The following MARVELD3 variants were observed in gnomAD, a reference collection of about 807,000 sequenced individuals.
MARVELD3 encodes MARVEL domain-containing protein 3.
Under a neutral mutation model 33.5 loss-of-function variants are expected in MARVELD3, and 28 were observed. That is an observed-to-expected ratio of 0.84 (90% CI 0.62 to 1.15). MARVELD3 has a LOEUF of 1.15. Among genes scored for constraint, MARVELD3 ranks in the 50% most tolerant of loss-of-function variants. The pLI, the probability that MARVELD3 is intolerant of heterozygous loss-of-function variation, is 0.00. For missense variants in MARVELD3, 582 were observed against 547.6 expected (o/e 1.06, Z -0.63); for synonymous variants, 241 against 230.4 (o/e 1.05, Z -0.42).
intron 2 of MARVELD3, among the ~76,000 whole-genome samples, chr16:71,633,149 A>G (rs745708293): frequency 6.6e-5 from 10 of 151,868 alleles, no homozygotes; most frequent in Admixed American, 3.3e-4. Flanking sequence ...GATCGCCTGA[A>G]GCAAGGAATT....
rs1421323686 is a variant in MARVELD3, at chr16:71,635,338, A to C, written c.*535A>C. 17 of 985,902 alleles carry C rather than the reference A, an allele frequency of 1.7e-5. No individual in the cohort carries two copies. The highest frequency in any genetic ancestry group is 2.0e-5 in the Non-Finnish European group (17 of 830,508). 61.1% of individuals were successfully genotyped at this position (985,902 alleles called of 1,614,324 possible). ...AGCGAGACTCCATCTCAAAAAAAAA[A>C]AAAAGCAAAAAAACTGGACCCCAAG... is the stretch of plus-strand genomic sequence containing the variant. On this transcript the variant is annotated 3_prime_UTR_variant, in exon 3 of 3. Coordinates refer to ENST00000268485, the MANE Select transcript of MARVELD3 (RefSeq NM_052858.6).
At position 71,630,334 on chromosome 16, in the gene MARVELD3, A is replaced by T. The variant is rs191826397; in HGVS notation, c.595+840A>T. ...AATATTAAAAATTTAAAAAATTTTT[A>T]AAATAATAAGGCCAGGCACGATGGC... On this transcript the variant is annotated intron_variant, in intron 2 of 2. Coordinates refer to ENST00000268485, the MANE Select transcript of MARVELD3 (RefSeq NM_052858.6). 2.3e-4 allele frequency among the ~76,000 whole-genome samples: 35 copies of T among 151,464 alleles called. No homozygotes were observed. In the East Asian group the frequency reaches 5.1e-3, roughly 22 times the overall value.
chr16:71,641,802 C>T (rs1236778185), exon 3 of MARVELD3: 2 of 152,170 alleles, frequency 1.3e-5, no homozygotes, highest in Non-Finnish European at 2.9e-5. Context: ...TTTTATTAGA[C>T]CCTGAAGCAT....
chr16:71,635,393 A>G lies in MARVELD3; in HGVS notation c.*590A>G. 7.1e-6 allele frequency: 7 copies of G among 985,216 alleles called. No homozygotes were observed. The highest frequency in any genetic ancestry group is 8.4e-6 in the Non-Finnish European group (7 of 830,028). 61.0% of individuals were successfully genotyped at this position (985,216 alleles called of 1,614,324 possible). On this transcript the variant is annotated 3_prime_UTR_variant, in exon 3 of 3. Coordinates refer to ENST00000268485, the MANE Select transcript of MARVELD3 (RefSeq NM_052858.6). Reference sequence around the variant, plus strand: ...ACAAGGAAAAAGCATGTACTACAACAGAGTGCACCTCTTCATTCAGTAAAG... The same window carrying G: ...ACAAGGAAAAAGCATGTACTACAACGGAGTGCACCTCTTCATTCAGTAAAG...
downstream of MARVELD3, chr16:71,641,298 C>CA (rs2044617738): frequency 5.4e-6 from 2 of 373,394 alleles, no homozygotes; most frequent in Admixed American, 4.3e-5. Flanking sequence ...ACTAAAAATA[C>CA]AAAAAATCGC....
At position 71,626,778 on chromosome 16, in the gene MARVELD3, G is replaced by C; in HGVS notation, c.467+82G>C. ...GGCCCGCGAGGCCCTGGCGTCCCCG[G>C]GTTCTCGTCCTAGGAGCCCGTTTAA... On this transcript the variant is annotated intron_variant, in intron 1 of 2. Coordinates refer to ENST00000268485, the MANE Select transcript of MARVELD3 (RefSeq NM_052858.6). This position sits in a 1 kb window ranked among gnomAD's most constrained non-coding sequence, Gnocchi z 5.3. 2.5e-6 allele frequency: 3 copies of C among 1,208,050 alleles called. No homozygotes were observed. The highest frequency in any genetic ancestry group is 3.0e-5 in the East Asian group (1 of 33,406). 74.8% of individuals were successfully genotyped at this position (1,208,050 alleles called of 1,614,324 possible). A position where few individuals can be genotyped will look rare whatever the true frequency, so the allele number is the denominator to read the frequency against.
chr16:71,626,615 C>T lies in MARVELD3; in HGVS notation c.386C>T (p.Pro129Leu). The change falls in exon 1 of 3, where the codon CCT becomes CTT. Residue 129 changes from proline to leucine, a missense_variant. Coordinates refer to ENST00000268485, the MANE Select transcript of MARVELD3 (RefSeq NM_052858.6). The surrounding 1 kb of genome is among the most constrained non-coding windows in gnomAD (Gnocchi z 5.3). The stretch of plus-strand genomic sequence containing the variant: ...GGACTGACCTGGGACGCAGCCGCGC[C>T]TCCTGGGCCCGCGCCCTGGGAAGCC... The part of the protein sequence containing the change: ...ARGLTWDAAA[P>L]PGPAPWEAPE... 6.5e-7 allele frequency: 1 copy of T among 1,539,900 alleles called. No individual in the cohort carries two copies. The highest frequency in any genetic ancestry group is 8.7e-7 in the Non-Finnish European group (1 of 1,145,488).
rs2044566405 is a variant in MARVELD3 at position 71,634,647 on chromosome 16, C to CGGTTTCGGCTGCAGT, written c.1051_1065dup (p.Gly351_Ser355dup). On this transcript the variant is annotated inframe_insertion, in exon 3 of 3. Transcript: ENST00000268485. ...CGCTGTACCAAAGCAAAGGCTACAGCGGTTTCGGCTGCAGTTTCCACGGAG... is the reference window on the plus strand; with the variant it reads ...CGCTGTACCAAAGCAAAGGCTACAGCGGTTTCGGCTGCAGTGGTTTCGGCTGCAGTTTCCACGGAG... 1 of 1,614,068 alleles carries CGGTTTCGGCTGCAGT rather than the reference C, an allele frequency of 6.2e-7. No individual in the cohort carries two copies. Among genetic ancestry groups the CGGTTTCGGCTGCAGT allele is most frequent in the African/African-American group, 1.3e-5 (1 of 74,924 alleles).
chr16:71,640,992 G>A (rs777901977), downstream of MARVELD3: 8 of 1,611,572 alleles, frequency 5.0e-6, no homozygotes, highest in South Asian at 8.8e-5. Context: ...AAGTTACAGT[G>A]ATGCACCGGA....
chr16:71,631,452 G>C (rs760804433), intron 2 of MARVELD3, among the ~76,000 whole-genome samples: 1 of 151,752 alleles, frequency 6.6e-6, no homozygotes, highest in Admixed American at 6.6e-5. Context: ...AAGTATAACT[G>C]TCTTTTTTTT....
At chr16:71,641,068 C>G (rs751823671), downstream of MARVELD3, 3 of 1,559,742 alleles carry the variant, frequency 1.9e-6, no homozygotes, top group Admixed American at 3.9e-5. Flanking sequence ...TTGTTTCTCT[C>G]AAAAAGACAG....
chr16:71,634,482 C>T lies in MARVELD3; in HGVS notation c.885C>T (p.Val295=), dbSNP rs1288463135. 1 of 1,614,076 alleles carries T rather than the reference C, an allele frequency of 6.2e-7. No homozygotes were observed. The highest frequency in any genetic ancestry group is 8.5e-7 in the Non-Finnish European group (1 of 1,180,040). Residue 295 remains valine, a synonymous_variant, in exon 3 of 3, where the codon GTC becomes GTT. Transcript: ENST00000268485. ...TCGTTGCCATGGGTGTCCTGCGGGT[C>T]CCGTGGCATTGTCCACTGTTGCTGG... The part of the protein sequence containing the change: ...CLFVAMGVLR[V]PWHCPLLLVT...
At chr16:71,640,382 TCTC>T, downstream of MARVELD3, 4 of 1,612,752 alleles carry the variant, frequency 2.5e-6, no homozygotes, top group South Asian at 1.1e-5. Context: ...GAATCTCTCT[TCTC>T]CTAGGTGTGG....
chr16:71,638,794 CAT>C (rs1161736569), downstream of MARVELD3: 2 of 152,164 alleles, frequency 1.3e-5, no homozygotes, highest in African/African-American at 4.8e-5. Flanking sequence ...TACCTGCACA[CAT>C]ATGTATGTGT....
chr16:71,626,649 G>T lies in MARVELD3; in HGVS notation c.420G>T (p.Pro140=). 2.0e-6 allele frequency: 3 copies of T among 1,533,178 alleles called. No homozygotes were observed. The highest frequency in any genetic ancestry group is 2.5e-5 in the East Asian group (1 of 40,694). The allele number at this position is 1,533,178 out of a possible 1,614,324, so 95.0% of individuals were successfully genotyped here. The change falls in exon 1 of 3, where the codon CCG becomes CCT. Residue 140 remains proline, a synonymous_variant. Coordinates refer to ENST00000268485, the MANE Select transcript of MARVELD3 (RefSeq NM_052858.6). This position sits in a 1 kb window ranked among gnomAD's most constrained non-coding sequence, Gnocchi z 5.3. ...CCGCGCCCTGGGAAGCCCCGGAGCC[G>T]CCGCAGCCGCAGAGGAAGGGAGACC... ...PGPAPWEAPE[P]PQPQRKGDPG...
rs145059756 is a variant in MARVELD3 at position 71,634,369 on chromosome 16, C to G, written c.772C>G (p.Leu258Val). 6.0e-5 allele frequency: 97 copies of G among 1,614,216 alleles called. No individual in the cohort carries two copies. The African/African-American group carries it at 8.8e-4, about 15-fold the overall frequency. The change falls in exon 3 of 3, where the codon CTG becomes GTG. Residue 258 changes from leucine (L) to valine (V), a missense_variant. Transcript: ENST00000268485. ...DGADGEKAQQ[L>V]DVQFYQLKLP... ...TGCTGACGGGGAGAAGGCCCAGCAA[C>G]TGGATGTCCAGTTCTACCAGCTAAA...
intron 1 of MARVELD3, chr16:71,629,057 A>G: frequency 6.5e-6 from 2 of 309,352 alleles, no homozygotes; most frequent in Admixed American, 5.4e-5. Flanking sequence ...GGCCTGGTGC[A>G]TGCTGAACTG....
At chr16:71,630,480 C>G (rs185977950) in intron 2 of MARVELD3, among the ~76,000 whole-genome samples, 34 of 151,746 alleles carry the variant, frequency 2.2e-4, no homozygotes, top group Admixed American at 2.1e-3. Context: ...ATAAAATTAG[C>G]CGGGGTGGTG....
At chr16:71,627,077 C>A (rs895241100) in intron 1 of MARVELD3, among the ~76,000 whole-genome samples, 19 of 152,202 alleles carry the variant, frequency 1.2e-4, no homozygotes, top group African/African-American at 3.4e-4. Flanking sequence ...GGGGTTCAGA[C>A]CCTTGTCCCG....
Sources: gnomAD v4.1 joint callset for allele counts (sites outside exome capture counted in the v4.1 genomes callset) on GRCh38, gnomAD v4.1.1 for gene constraint, Gnocchi (gnomAD v3.1) non-coding constraint, MANE v1.5 for transcripts, NCBI Gene and HGNC (gene_info 2026-07-23, HGNC 2026-07-21) for gene names.